The following ZBTB40 variants were observed in gnomAD, a reference collection of about 807,000 sequenced individuals.
ZBTB40 encodes the protein zinc finger and BTB domain-containing protein 40.
Under a neutral mutation model 117.5 loss-of-function variants are expected in ZBTB40, and 60 were observed. That is an observed-to-expected ratio of 0.51 (90% CI 0.41 to 0.63). The LOEUF is 0.63. Ranked by LOEUF, ZBTB40 falls within the 30% of genes least tolerant of loss-of-function variation. The pLI, the probability that ZBTB40 is intolerant of heterozygous loss-of-function variation, is 0.00. For synonymous variants in ZBTB40, 525 were observed against 577.1 expected, an observed-to-expected ratio of 0.91 and a Z score of 1.29; for missense variants, 1,287 against 1,498.5, an observed-to-expected ratio of 0.86 and a Z score of 2.33.
intron 3 of ZBTB40, among the ~76,000 whole-genome samples, chr1:22,498,692 A>G (rs927847024): frequency 6.6e-6 from 1 of 152,134 alleles, no homozygotes; most frequent in Non-Finnish European, 1.5e-5. Context: ...GCCACCATTG[A>G]CGAAAGCTTC....
At chr1:22,488,115 C>G (rs943402869) in intron 1 of ZBTB40, among the ~76,000 whole-genome samples, 1 of 152,156 alleles carries the variant, frequency 6.6e-6, no homozygotes, top group South Asian at 2.1e-4. Flanking sequence ...ACTCTAACTC[C>G]TGGACTCTCC....
At chr1:22,428,934 C>T (rs1640540759) in exon 1 of ZBTB40, among the ~76,000 whole-genome samples, 1 of 152,106 alleles carries the variant, frequency 6.6e-6, no homozygotes, top group Non-Finnish European at 1.5e-5. Context: ...CTCCTTCTTG[C>T]CGGTTGGAAT....
chr1:22,508,782 C>T (rs750414417), intron 8 of ZBTB40, 51 bp downstream of exon 8: 10 of 1,564,792 alleles, frequency 6.4e-6, no homozygotes, highest in African/African-American at 2.7e-5. Flanking sequence ...AGATGACTGT[C>T]AGTCTTCCTA....
chr1:22,480,447 A>C (rs1196360710), intron 1 of ZBTB40, among the ~76,000 whole-genome samples: 1 of 152,052 alleles, frequency 6.6e-6, no homozygotes, highest in Non-Finnish European at 1.5e-5. Flanking sequence ...TTTACTTTTC[A>C]CATCCAGGTC....
intron 8 of ZBTB40, 33 bp downstream of exon 8, chr1:22,508,764 C>T (rs367944525): frequency 2.9e-5 from 46 of 1,603,926 alleles, no homozygotes; most frequent in African/African-American, 1.7e-4. Context: ...GGGTTTTGCC[C>T]CCACTAGAGA....
At chr1:22,471,211 TAGCACTCTTTCCC>T (rs1019929007) in intron 1 of ZBTB40, among the ~76,000 whole-genome samples, 2 of 151,896 alleles carry the variant, frequency 1.3e-5, no homozygotes, top group African/African-American at 4.8e-5. Context: ...CCTATTCCAA[TAGCACTCTTTCCC>T]AGATAACATA....
rs1569821442 is a variant in ZBTB40 at position 22,483,208 on chromosome 1, C to T, written c.-69-6672C>T. ...CACAGTTTATTCATTATATCTACTT[C>T]TTGGTTGCTTCCAAATTTTGGCAAT... On this transcript the variant is annotated intron_variant, in intron 1 of 17. Coordinates refer to ENST00000375647, the MANE Select transcript of ZBTB40 (RefSeq NM_014870.4). Among the ~76,000 whole-genome samples, 3 of 152,062 alleles carry T rather than the reference C, an allele frequency of 2.0e-5. No homozygotes were observed. In the East Asian group the frequency reaches 5.8e-4, roughly 29 times the overall value.
At chr1:22,464,788 G>A (rs6426758) in intron 1 of ZBTB40, among the ~76,000 whole-genome samples, 2,779 of 152,212 alleles carry the variant, frequency 0.018, 69 homozygotes, top group Admixed American at 0.064. Context: ...GTATTCAGTT[G>A]CATGCTGGTT....
At chr1:22,442,049 G>A (rs1300865251) in intron 1 of ZBTB40, among the ~76,000 whole-genome samples, 1 of 152,084 alleles carries the variant, frequency 6.6e-6, no homozygotes, top group Non-Finnish European at 1.5e-5. Context: ...AGAATGCGTT[G>A]TTTAATCTCC....
rs71020424 is a variant in ZBTB40 at position 22,468,643 on chromosome 1, C to CTTTTTTTTT, written c.-70+16660_-70+16668dup. Among the ~76,000 whole-genome samples the CTTTTTTTTT allele has an allele frequency of 1.1e-3, 32 of 28,610 alleles. 2 individuals are homozygous for CTTTTTTTTT. The highest frequency in any genetic ancestry group is 1.6e-3 in the Non-Finnish European group (27 of 16,872). The allele number at this position is 28,610 out of a possible 152,430, so 18.8% of individuals were successfully genotyped here. On this transcript the variant is annotated intron_variant, in intron 1 of 17. Transcript: ENST00000375647. ...GGCATGTGCCACCATGCCTGGCTGG[C>CTTTTTTTTT]TTTTTTTTTTTTTTTTTTTTTTTTT...
At chr1:22,518,867 T>G (rs1639445248) in intron 13 of ZBTB40, among the ~76,000 whole-genome samples, 1 of 152,198 alleles carries the variant, frequency 6.6e-6, no homozygotes, top group Non-Finnish European at 1.5e-5. Flanking sequence ...TTAGTCTTCC[T>G]TTCCCAGTAG....
chr1:22,478,203 G>C (rs1256649677), intron 1 of ZBTB40, among the ~76,000 whole-genome samples: 1 of 152,108 alleles, frequency 6.6e-6, no homozygotes, highest in Non-Finnish European at 1.5e-5. Flanking sequence ...TACTAGCCGT[G>C]TGGCCCTGAG....
intron 1 of ZBTB40, among the ~76,000 whole-genome samples, chr1:22,468,463 TCC>T (rs72007821): frequency 0.19 from 20,358 of 108,366 alleles, 4,720 homozygotes; most frequent in African/African-American, 0.35. Context: ...TGTTAATGTT[TCC>T]TTTTTTTTTT....
chr1:22,520,342 G>A, intron 14 of ZBTB40, 67 bp downstream of exon 14: 1 of 1,357,478 alleles, frequency 7.4e-7, no homozygotes, highest in Non-Finnish European at 1.0e-6. Flanking sequence ...GATCTTCCCT[G>A]ATGCCCGGGT....
chr1:22,519,684 A>G, intron 13 of ZBTB40: 1 of 332,762 alleles, frequency 3.0e-6, no homozygotes. Flanking sequence ...TGTGCTGGAA[A>G]TCCTCTACAG....
chr1:22,498,478 A>G (rs1638841552), intron 3 of ZBTB40, among the ~76,000 whole-genome samples: 1 of 152,216 alleles, frequency 6.6e-6, no homozygotes, highest in Admixed American at 6.5e-5. Flanking sequence ...GTAGGTTCTG[A>G]AAGAAAGAGC....
At chr1:22,511,098 T>TC in intron 9 of ZBTB40, 81 bp from the exon 10 acceptor site, 1 of 1,538,650 alleles carries the variant, frequency 6.5e-7, no homozygotes, top group East Asian at 2.3e-5. Flanking sequence ...ATTAGCTTTT[T>TC]TTTTTTTTTT....
Position 22,524,225 on chromosome 1 carries a change from G to C in ZBTB40, c.3306G>C (p.Gln1102His), listed in dbSNP as rs746709592. Residue 1102 changes from glutamine to histidine, a missense_variant, in exon 17 of 18, where the codon CAG (glutamine) becomes CAC (histidine). By Grantham distance (24) the Gln-to-His change is conservative (BLOSUM62 0). Around this residue, in one of 2 missense-constraint regions of ZBTB40, gnomAD observed 417 missense variants for 564.1 expected, o/e 0.74. Transcript: ENST00000375647. Reference protein sequence around the residue: ...VHVKCQHSGSQPFRCLYCAAT... With the variant: ...VHVKCQHSGSHPFRCLYCAAT... ...TGTCTCCCTCTCCTCCAGGGTCCCA[G>C]CCATTCCGGTGCTTGTACTGTGCTG... 1 of 1,614,130 alleles carries C rather than the reference G, an allele frequency of 6.2e-7. No individual in the cohort carries two copies. The highest frequency in any genetic ancestry group is 1.1e-5 in the South Asian group (1 of 91,076).
At position 22,506,027 on chromosome 1, in the gene ZBTB40, G is replaced by A. The variant is rs149906983; in HGVS notation, c.1168-22G>A. The A allele has an allele frequency of 1.4e-4, 225 of 1,613,898 alleles. No homozygotes were observed. The East Asian group carries it at 4.3e-3, about 31-fold the overall frequency. Reference sequence around the variant, plus strand: ...GTTGAATTGCCAGTAACTGGTGTCTGGTTGATTGCTTGCCACTGCAGGTGA... The same window carrying A: ...GTTGAATTGCCAGTAACTGGTGTCTAGTTGATTGCTTGCCACTGCAGGTGA... On this transcript the variant is annotated intron_variant, in intron 5 of 17. Coordinates refer to ENST00000375647, the MANE Select transcript of ZBTB40 (RefSeq NM_014870.4).
Sources: gnomAD v4.1 joint callset for allele counts (sites outside exome capture counted in the v4.1 genomes callset) on GRCh38, gnomAD v4.1.1 for gene constraint, gnomAD v4.1.1 regional missense constraint, MANE v1.5 for transcripts, NCBI Gene and HGNC (gene_info 2026-07-23, HGNC 2026-07-21) for gene names.